The following B3GALT1 variants were observed in gnomAD, a reference collection of about 807,000 sequenced individuals.
B3GALT1 encodes the protein UDP-Gal:betaGlcNAc beta 1,3-galactosyltransferase, polypeptide 1.
A neutral mutation model predicts 23.2 loss-of-function variants in B3GALT1; 10 were observed. That is an observed-to-expected ratio of 0.43 (90% confidence interval 0.27 to 0.73). The LOEUF (loss-of-function observed/expected upper bound fraction) is 0.73. Among genes scored for constraint, B3GALT1 ranks in the 30% least tolerant of loss-of-function variants. B3GALT1 has a pLI of 0.21. For missense variants in B3GALT1, 299 were observed against 405.4 expected, an observed-to-expected ratio of 0.74 and a Z score of 2.25; for synonymous variants, 156 against 141.5, an observed-to-expected ratio of 1.10 and a Z score of -0.73.
chr2:167,866,002 C>T (rs1318083622), intron 4 of B3GALT1, among the ~76,000 whole-genome samples: 1 of 152,056 alleles, frequency 6.6e-6, no homozygotes, highest in Non-Finnish European at 1.5e-5. Context: ...ATCCTATCCT[C>T]TTCTTTTACT....
rs2105452079 is a variant in B3GALT1 at position 167,873,146 on chromosome 2, C to T, written c.*3126C>T. On this transcript the variant is annotated 3_prime_UTR_variant, in exon 5 of 5. Coordinates refer to ENST00000392690, the MANE Select transcript of B3GALT1 (RefSeq NM_020981.4). ...TTTTAGACAGTATTCTACCAAGAGT[C>T]TCTCAGACAATTTTTACAAAAACTC... 1 of 151,880 alleles carries T rather than the reference C, an allele frequency of 6.6e-6. No homozygotes were observed. The highest frequency in any genetic ancestry group is 2.1e-4 in the South Asian group (1 of 4,822). The allele number at this position is 151,880 out of a possible 1,614,324, so 9.4% of individuals were successfully genotyped here. A position where few individuals can be genotyped will look rare whatever the true frequency, so the allele number is the denominator to read the frequency against.
intron 3 of B3GALT1, among the ~76,000 whole-genome samples, 143 bp from the exon 4 acceptor site, chr2:167,818,529 A>G (rs746879414): frequency 3.3e-5 from 5 of 152,158 alleles, no homozygotes; most frequent in African/African-American, 4.8e-5. Context: ...CCTCTATTCA[A>G]CGCCTACCCA....
Position 167,512,556 on chromosome 2 carries a change from GTA to G in B3GALT1, c.-410+22289_-410+22290del, listed in dbSNP as rs796201322. ...TGTGTATATATATATGTATATATAT[GTA>G]TATATATATGTATATATATATGTAT... On this transcript the variant is annotated intron_variant, in intron 2 of 4. Transcript: ENST00000392690. 2.5e-3 allele frequency among the ~76,000 whole-genome samples: 153 copies of G among 60,532 alleles called. 7 individuals carry two copies. The South Asian group carries it at 0.043, about 17-fold the overall frequency. The allele number at this position is 60,532 out of a possible 152,430, so 39.7% of individuals were successfully genotyped here.
intron 3 of B3GALT1, among the ~76,000 whole-genome samples, chr2:167,802,948 T>C (rs766410505): frequency 6.6e-6 from 1 of 152,106 alleles, no homozygotes; most frequent in Non-Finnish European, 1.5e-5. Flanking sequence ...TATATTCACA[T>C]TGGAAAAAAT....
chr2:167,870,444 A>C lies in B3GALT1; in HGVS notation c.*424A>C, dbSNP rs1039488233. On this transcript the variant is annotated 3_prime_UTR_variant, in exon 5 of 5. Transcript: ENST00000392690. ...ATGCACAGTCAGGAAGACACACTGGATGTGATTATTAATATCGTGTGTGTT... is the reference window on the plus strand; with the variant it reads ...ATGCACAGTCAGGAAGACACACTGGCTGTGATTATTAATATCGTGTGTGTT... The C allele has an allele frequency of 5.7e-6, 1 of 174,292 alleles. No homozygotes were observed. Among genetic ancestry groups the C allele is most frequent in the Non-Finnish European group, 1.4e-5 (1 of 72,444 alleles). 10.8% of individuals were successfully genotyped at this position (174,292 alleles called of 1,614,324 possible).
intron 1 of B3GALT1, among the ~76,000 whole-genome samples, chr2:167,312,761 A>C (rs1696652352): frequency 1.3e-5 from 2 of 151,966 alleles, no homozygotes; most frequent in Non-Finnish European, 2.9e-5. Context: ...AAAAACTATC[A>C]CTCTTCACTT....
chr2:167,603,105 T>C (rs1558921260), intron 2 of B3GALT1, among the ~76,000 whole-genome samples: 1 of 152,204 alleles, frequency 6.6e-6, no homozygotes, highest in Non-Finnish European at 1.5e-5. Flanking sequence ...GTTTCCAGCA[T>C]ATAGGTCATC....
intron 2 of B3GALT1, among the ~76,000 whole-genome samples, chr2:167,521,009 T>C (rs1028118453): frequency 2.8e-4 from 43 of 152,120 alleles, no homozygotes; most frequent in African/African-American, 1.0e-3. Context: ...TTGACATAGA[T>C]GGTCTGCTAC....
At chr2:167,600,255 A>G (rs757145379) in intron 2 of B3GALT1, among the ~76,000 whole-genome samples, 12 of 152,016 alleles carry the variant, frequency 7.9e-5, no homozygotes, top group Non-Finnish European at 1.8e-4. Flanking sequence ...CTCTTTTACA[A>G]CTCCAAGGCC....
At chr2:167,799,652 T>C (rs768343135) in intron 3 of B3GALT1, among the ~76,000 whole-genome samples, 36 of 152,198 alleles carry the variant, frequency 2.4e-4, no homozygotes, top group Non-Finnish European at 3.7e-4. Context: ...TTTGAACAAT[T>C]GTTTCAAACC....
intron 1 of B3GALT1, among the ~76,000 whole-genome samples, chr2:167,355,864 T>C (rs1285119503): frequency 6.6e-6 from 1 of 152,208 alleles, no homozygotes; most frequent in Non-Finnish European, 1.5e-5. Context: ...TCTACAGCTT[T>C]TCTTTCTTCA....
At chr2:167,700,432 A>AT (rs1686860700) in intron 3 of B3GALT1, among the ~76,000 whole-genome samples, 1 of 152,162 alleles carries the variant, frequency 6.6e-6, no homozygotes, top group Non-Finnish European at 1.5e-5. Flanking sequence ...AAACAAAAGG[A>AT]TATGGCCACC....
chr2:167,715,084 T>C, intron 3 of B3GALT1: 1 of 1,612,996 alleles, frequency 6.2e-7, no homozygotes, highest in Non-Finnish European at 8.5e-7. Context: ...CTTCTAAGGC[T>C]TTTAAAGAAA....
intron 1 of B3GALT1, among the ~76,000 whole-genome samples, chr2:167,380,963 T>A (rs1697839978): frequency 6.6e-6 from 1 of 152,186 alleles, no homozygotes; most frequent in African/African-American, 2.4e-5. Flanking sequence ...ACAGAGTTGA[T>A]CTTTATGTAC....
In B3GALT1 at chr2:167,347,096, A is replaced by C. The variant is rs1697232686; in HGVS notation, c.-511+53762A>C. The stretch of plus-strand genomic sequence containing the variant: ...GTTATCACCAACTAAATATTAGGTA[A>C]TCTTAAACCAAATGTAAATAACTAA... On this transcript the variant is annotated intron_variant, in intron 1 of 4. Transcript: ENST00000392690. 3.9e-5 allele frequency among the ~76,000 whole-genome samples: 6 copies of C among 152,332 alleles called. No homozygotes were observed. The South Asian group carries it at 1.2e-3, about 32-fold the overall frequency.
intron 1 of B3GALT1, among the ~76,000 whole-genome samples, chr2:167,473,271 T>C (rs1286323053): frequency 6.6e-6 from 1 of 152,158 alleles, no homozygotes; most frequent in African/African-American, 2.4e-5. Context: ...CCTGGGAAGA[T>C]ATTTTACTCT....
At chr2:167,300,251 GA>G (rs1696423942) in intron 1 of B3GALT1, among the ~76,000 whole-genome samples, 1 of 152,124 alleles carries the variant, frequency 6.6e-6, no homozygotes, top group South Asian at 2.1e-4. Flanking sequence ...AATGCTGCCT[GA>G]AAATTTCTCC....
At chr2:167,588,113 TG>T (rs1175298609) in intron 2 of B3GALT1, among the ~76,000 whole-genome samples, 2 of 152,204 alleles carry the variant, frequency 1.3e-5, no homozygotes, top group East Asian at 3.8e-4. Context: ...TTGGCTGCCG[TG>T]TATGAAATGT....
In B3GALT1 at chr2:167,563,775, C is replaced by G. The variant is rs867850742; in HGVS notation, c.-410+73498C>G. Among the ~76,000 whole-genome samples the G allele has an allele frequency of 3.1e-3, 66 of 21,218 alleles. 33 individuals are homozygous for G. Among genetic ancestry groups the G allele is most frequent in the Non-Finnish European group, 3.3e-3 (50 of 14,960 alleles). 13.9% of individuals were successfully genotyped at this position (21,218 alleles called of 152,430 possible). A position where few individuals can be genotyped will look rare whatever the true frequency, so the allele number is the denominator to read the frequency against. ...ACCTCCCGGACGGGGCGGCTGGACT[C>G]GGGGCTGACCCCCCCACCTCCCCCC... On this transcript the variant is annotated intron_variant, in intron 2 of 4. Coordinates refer to ENST00000392690, the MANE Select transcript of B3GALT1 (RefSeq NM_020981.4).
Sources: gnomAD v4.1 joint callset for allele counts (sites outside exome capture counted in the v4.1 genomes callset) on GRCh38, gnomAD v4.1.1 for gene constraint, MANE v1.5 for transcripts, NCBI Gene and HGNC (gene_info 2026-07-23, HGNC 2026-07-21) for gene names.